CD44: variants seen among roughly 807,000 people sequenced by gnomAD.
CD44 encodes CD44 antigen.
A neutral mutation model predicts 88.8 loss-of-function variants in CD44; 49 were observed. That is an observed-to-expected ratio of 0.55 (90% confidence interval 0.44 to 0.70). The LOEUF is 0.70. Ranked by LOEUF, CD44 falls within the 30% of genes least tolerant of loss-of-function variation. CD44 has a pLI of 0.00. For synonymous variants in CD44, 325 were observed against 312.3 expected (o/e 1.04, Z -0.43); for missense variants, 883 against 913.8 (o/e 0.97, Z 0.43).
At chr11:35,202,803 G>A (rs1190596670) in intron 9 of CD44, among the ~76,000 whole-genome samples, 5 of 152,148 alleles carry the variant, frequency 3.3e-5, no homozygotes, top group African/African-American at 9.7e-5. Context: ...TATACATACG[G>A]CTTAGGGGTT....
At chr11:35,164,963 C>A (rs1376337229) in intron 1 of CD44, among the ~76,000 whole-genome samples, 1 of 152,188 alleles carries the variant, frequency 6.6e-6, no homozygotes, top group Admixed American at 6.5e-5. Flanking sequence ...GCAGGACTTA[C>A]TAAGTGGTGG....
intron 1 of CD44, among the ~76,000 whole-genome samples, chr11:35,171,143 G>A (rs894162940): frequency 6.6e-6 from 1 of 152,134 alleles, no homozygotes. Flanking sequence ...ATATCCTCCC[G>A]GGTAATAATT....
At chr11:35,196,525 C>T (rs1195230061) in intron 5 of CD44, among the ~76,000 whole-genome samples, 2 of 73,142 alleles carry the variant, frequency 2.7e-5, no homozygotes, top group Admixed American at 1.2e-4. Flanking sequence ...GGAGCATGAA[C>T]CAGATGACAT....
chr11:35,229,318 G>A lies in CD44; in HGVS notation c.2214G>A (p.Met738Ile). The A allele has an allele frequency of 6.2e-7, 1 of 1,611,296 alleles. No individual in the cohort carries two copies. ...CAAGGAACCTGCAGAATGTGGACAT[G>A]AAGATTGGGGTGTAACACCTACACC... ...DETRNLQNVD[M>I]KIGV The change falls in exon 18 of 18, where the codon ATG becomes ATA. Residue 738 changes from methionine to isoleucine, a missense_variant. Coordinates refer to ENST00000428726, the MANE Select transcript of CD44 (RefSeq NM_000610.4).
intron 17 of CD44, chr11:35,222,328 GT>G (rs912215871): frequency 1.1e-6 from 1 of 939,636 alleles, no homozygotes; most frequent in African/African-American, 1.7e-5. Flanking sequence ...TTTGTTTGTT[GT>G]TTGGTTTTTG....
chr11:35,190,008 A>G lies in CD44; in HGVS notation c.610A>G (p.Ile204Val), dbSNP rs1382686853. The change falls in exon 5 of 18, where the codon ATC (isoleucine) becomes GTC (valine). Residue 204 changes from isoleucine (I) to valine (V), a missense_variant. Physicochemically the swap from Ile to Val is conservative, Grantham distance 29 (BLOSUM62 3). Coordinates refer to ENST00000428726, the MANE Select transcript of CD44 (RefSeq NM_000610.4). ...IFYTFSTVHPIPDEDSPWITD... is the reference protein window; with the variant it reads ...IFYTFSTVHPVPDEDSPWITD... ...TTACACCTTTTCTACTGTACACCCC[A>G]TCCCAGACGAAGACAGTCCCTGGAT... The G allele has an allele frequency of 6.2e-7, 1 of 1,614,098 alleles. No individual in the cohort carries two copies. Among genetic ancestry groups the G allele is most frequent in the Non-Finnish European group, 8.5e-7 (1 of 1,180,044 alleles).
intron 15 of CD44, among the ~76,000 whole-genome samples, chr11:35,217,610 T>C (rs1362559285): frequency 6.6e-6 from 1 of 152,202 alleles, no homozygotes; most frequent in Admixed American, 6.5e-5. Flanking sequence ...TTTTGCTCCC[T>C]TTTAAGTTTT....
chr11:35,147,593 A>G (rs1008843143), intron 1 of CD44, among the ~76,000 whole-genome samples: 13 of 150,472 alleles, frequency 8.6e-5, no homozygotes, highest in East Asian at 3.9e-4. Context: ...GACTCATCCC[A>G]TATTCCAGCC....
intron 1 of CD44, among the ~76,000 whole-genome samples, chr11:35,159,301 G>A (rs996746373): frequency 6.6e-6 from 1 of 152,084 alleles, no homozygotes; most frequent in Non-Finnish European, 1.5e-5. Flanking sequence ...ACAAGATCTG[G>A]CCACTCCCAG....
intron 1 of CD44, among the ~76,000 whole-genome samples, chr11:35,166,692 G>A (rs1452294686): frequency 6.6e-6 from 1 of 152,224 alleles, no homozygotes; most frequent in East Asian, 1.9e-4. Context: ...CCAAGACGTT[G>A]GGGTGCCTTG....
chr11:35,147,573 T>C (rs1428843110), intron 1 of CD44, among the ~76,000 whole-genome samples: 1 of 151,340 alleles, frequency 6.6e-6, no homozygotes, highest in Non-Finnish European at 1.5e-5. Flanking sequence ...GGCCTTTTCC[T>C]GGGAATGAGG....
chr11:35,193,837 G>A (rs1205425854), intron 5 of CD44, among the ~76,000 whole-genome samples: 2 of 152,232 alleles, frequency 1.3e-5, no homozygotes, highest in East Asian at 1.9e-4. Flanking sequence ...TGACAGAAAT[G>A]ATAGATGGAT....
At chr11:35,224,991 C>T (rs748745593) in intron 17 of CD44, among the ~76,000 whole-genome samples, 1 of 152,128 alleles carries the variant, frequency 6.6e-6, no homozygotes, top group African/African-American at 2.4e-5. Context: ...GCAATCTGAG[C>T]TCACCCAACC....
chr11:35,192,584 G>T (rs994794008), intron 5 of CD44, among the ~76,000 whole-genome samples: 1 of 152,108 alleles, frequency 6.6e-6, no homozygotes, highest in African/African-American at 2.4e-5. Flanking sequence ...AGGGCCTGTA[G>T]TGGGTGGCAA....
At chr11:35,186,952 T>C in intron 4 of CD44, 52 bp downstream of exon 4, 1 of 1,032,954 alleles carries the variant, frequency 9.7e-7, no homozygotes, top group Non-Finnish European at 1.5e-6. Flanking sequence ...GGGAAAGGGC[T>C]CAGGTGTGTT....
intron 14 of CD44, among the ~76,000 whole-genome samples, chr11:35,213,257 G>A (rs1307598766): frequency 6.6e-6 from 1 of 152,162 alleles, no homozygotes; most frequent in African/African-American, 2.4e-5. Flanking sequence ...TTCCACAGTG[G>A]TACGGACAGA....
chr11:35,185,180 A>G (rs1591124766), intron 3 of CD44, among the ~76,000 whole-genome samples: 1 of 152,330 alleles, frequency 6.6e-6, no homozygotes, highest in South Asian at 2.1e-4. Context: ...TGATGGTGAC[A>G]GGTGTGGGGG....
chr11:35,172,556 C>T (rs533645881), intron 1 of CD44, among the ~76,000 whole-genome samples: 2 of 152,276 alleles, frequency 1.3e-5, no homozygotes, highest in South Asian at 4.1e-4. Context: ...GATGGCATAT[C>T]GCTGCAGGCT....
chr11:35,173,834 C>T (rs1944167780), intron 1 of CD44, among the ~76,000 whole-genome samples: 1 of 152,132 alleles, frequency 6.6e-6, no homozygotes, highest in Admixed American at 6.5e-5. Context: ...AGGTGTGCCT[C>T]TCTCCTTTCT....
Sources: allele counts gnomAD v4.1 joint callset (sites outside exome capture counted in the v4.1 genomes callset), GRCh38; gene constraint gnomAD v4.1.1; transcripts MANE v1.5; gene names NCBI Gene and HGNC (gene_info 2026-07-23, HGNC 2026-07-21).